Variants in VWCE observed in about 807,000 individuals in gnomAD.
VWCE encodes the protein von Willebrand factor C and EGF domain-containing protein.
Under a neutral mutation model 102.9 loss-of-function variants are expected in VWCE, and 68 were observed. The ratio of observed to expected loss-of-function variants is 0.66; its 90% CI spans 0.54 to 0.81. The LOEUF (loss-of-function observed/expected upper bound fraction) is 0.81, where lower values mean the gene tolerates loss of function less well. Among genes scored for constraint, VWCE ranks in the 30% least tolerant of loss-of-function variants. The pLI, the probability that VWCE is intolerant of heterozygous loss-of-function variation, is 0.00. For missense variants in VWCE, 1,137 were observed against 1,263.6 expected, an observed-to-expected ratio of 0.90 and a Z score of 1.52; for synonymous variants, 497 against 515.4, an observed-to-expected ratio of 0.96 and a Z score of 0.48.
In VWCE at chr11:61,258,400, T is replaced by C; in HGVS notation, c.*275A>G. On this transcript the variant is annotated 3_prime_UTR_variant, in exon 20 of 20. Transcript: ENST00000335613. ...GACGCAACTCTTCCTCCAGGAGAAC[T>C]TGGCAGTCCCAACCCTTCTCAAAAG... 3.2e-6 allele frequency: 1 copy of C among 311,214 alleles called. No homozygotes were observed. Among genetic ancestry groups the C allele is most frequent in the Non-Finnish European group, 5.8e-6 (1 of 171,226 alleles). 19.3% of individuals were successfully genotyped at this position (311,214 alleles called of 1,614,324 possible). A position where few individuals can be genotyped will look rare whatever the true frequency, so the allele number is the denominator to read the frequency against.
At chr11:61,290,998 C>G (rs965909444) in intron 3 of VWCE, 71 bp from the exon 4 acceptor site, 27 of 1,557,402 alleles carry the variant, frequency 1.7e-5, no homozygotes, top group Non-Finnish European at 8.7e-7. Flanking sequence ...CACCAGGGTC[C>G]TCCTGAATTC....
At chr11:61,284,823 C>T (rs778936228) in intron 5 of VWCE, among the ~76,000 whole-genome samples, 16 of 152,062 alleles carry the variant, frequency 1.1e-4, no homozygotes, top group Non-Finnish European at 1.9e-4. Context: ...TGGCGCACAC[C>T]TGTAACCCTA....
In VWCE at chr11:61,264,821, G is replaced by A. The variant is rs1004211209; in HGVS notation, c.2139+135C>T. The A allele has an allele frequency of 1.7e-5, 17 of 1,028,008 alleles. No individual in the cohort carries two copies. In the South Asian group the frequency reaches 2.3e-4, roughly 14 times the overall value. The allele number at this position is 1,028,008 out of a possible 1,614,324, so 63.7% of individuals were successfully genotyped here. A position where few individuals can be genotyped will look rare whatever the true frequency, so the allele number is the denominator to read the frequency against. ...AGATGGTCAAAACCAAAGATATTCT[G>A]GCAGTTAATTAAAGGCGGAGGATGG... On this transcript the variant is annotated intron_variant, in intron 18 of 19. Transcript: ENST00000335613.
chr11:61,273,436 A>G (rs1379053421), intron 12 of VWCE, 120 bp from the exon 13 acceptor site: 1 of 909,678 alleles, frequency 1.1e-6, no homozygotes, highest in African/African-American at 1.7e-5. Context: ...TGAAACTGAC[A>G]AAGAAATCTA....
Position 61,276,639 on chromosome 11 carries a change from G to A in VWCE, c.1449C>T (p.Gly483=), listed in dbSNP as rs371857728. 1.4e-5 allele frequency: 22 copies of A among 1,608,436 alleles called. No homozygotes were observed. The highest frequency in any genetic ancestry group is 1.7e-5 in the Non-Finnish European group (20 of 1,177,412). The change falls in exon 11 of 20, where the codon GGC becomes GGT. Residue 483 remains glycine (G), a synonymous_variant. Transcript: ENST00000335613. Reference sequence around the variant, plus strand: ...CCGTCTGTGGGGGGGTCTGACAGGGGCCAGAAGGACACTCAGGAGAGATGC... The same window carrying A: ...CCGTCTGTGGGGGGGTCTGACAGGGACCAGAAGGACACTCAGGAGAGATGC... ...VSCISPECPS[G]PCQTPPQTDC...
intron 19 of VWCE, among the ~76,000 whole-genome samples, chr11:61,262,154 A>G (rs903198501): frequency 2.0e-5 from 3 of 152,160 alleles, no homozygotes; most frequent in African/African-American, 7.2e-5. Flanking sequence ...GGGTTTCACC[A>G]TGTTGGACAG....
rs991626095 is a variant in VWCE, at chr11:61,281,222, G to A, written c.801C>T (p.Ala267=). The A allele has an allele frequency of 1.2e-6, 2 of 1,612,574 alleles. No homozygotes were observed. Among genetic ancestry groups the A allele is most frequent in the Non-Finnish European group, 8.5e-7 (1 of 1,179,992 alleles). ...GCAGGATGGCAGATGGGGCCAGCAC[G>A]GCTTTCGGGAAAGCTGAAACAGAAG... ...DRVSCEAFPK[A]VLAPSAILQP... is the part of the protein sequence containing the mutation. The change falls in exon 8 of 20, where the codon GCC becomes GCT. Residue 267 remains alanine, a synonymous_variant. Coordinates refer to ENST00000335613, the MANE Select transcript of VWCE (RefSeq NM_152718.2).
At chr11:61,263,123 A>G (rs1266483438) in intron 19 of VWCE, among the ~76,000 whole-genome samples, 1 of 152,222 alleles carries the variant, frequency 6.6e-6, no homozygotes, top group East Asian at 1.9e-4. Context: ...CCTGACGAAC[A>G]TGGCGAAACC....
At chr11:61,267,406 G>A in intron 16 of VWCE, 56 bp downstream of exon 16, 7 of 1,549,686 alleles carry the variant, frequency 4.5e-6, no homozygotes, top group South Asian at 1.1e-5. Context: ...TTCAGGAGCC[G>A]ATGTCAGTTG....
rs1855315609 is a variant in VWCE at position 61,286,252 on chromosome 11, A to C, written c.541+62T>G. 7 of 1,486,356 alleles carry C rather than the reference A, an allele frequency of 4.7e-6. No homozygotes were observed. In the Middle Eastern group the frequency reaches 1.2e-3, roughly 261 times the overall value. The allele number at this position is 1,486,356 out of a possible 1,614,324, so 92.1% of individuals were successfully genotyped here. On this transcript the variant is annotated intron_variant, in intron 5 of 19. Coordinates refer to ENST00000335613, the MANE Select transcript of VWCE (RefSeq NM_152718.2). ...CACTGCACTGGGCATGGCAGGGCTG[A>C]GTGTTCAATGTGGCATCCCCATTAC...
At chr11:61,278,077 G>T (rs1365087401) in intron 10 of VWCE, among the ~76,000 whole-genome samples, 1 of 152,084 alleles carries the variant, frequency 6.6e-6, no homozygotes, top group East Asian at 1.9e-4. Flanking sequence ...CAAATATTTT[G>T]CCTGGAGAGA....
intron 19 of VWCE, among the ~76,000 whole-genome samples, chr11:61,260,238 G>A (rs1015289695): frequency 1.3e-5 from 2 of 152,170 alleles, no homozygotes; most frequent in Admixed American, 6.5e-5. Context: ...CTGGGAGACA[G>A]AGCAGGACTC....
intron 19 of VWCE, among the ~76,000 whole-genome samples, chr11:61,262,222 G>A (rs926694263): frequency 1.3e-5 from 2 of 152,186 alleles, no homozygotes; most frequent in African/African-American, 4.8e-5. Context: ...CCAAAGTGCT[G>A]GGATTACAGG....
chr11:61,281,000 C>A lies in VWCE; in HGVS notation c.1023G>T (p.Leu341=). Residue 341 remains leucine, a synonymous_variant, in exon 8 of 20, where the codon CTG becomes CTT. Coordinates refer to ENST00000335613, the MANE Select transcript of VWCE (RefSeq NM_152718.2). ...GGGAGGCAGTAGGCACTGGGGTGGC[C>A]AGCAGGGTGGACAGCAGCCACACAG... The part of the protein sequence containing the change: ...SAPVWLLSTL[L]ATPVPTASLL... The A allele has an allele frequency of 6.4e-7, 1 of 1,556,666 alleles. No individual in the cohort carries two copies. The highest frequency in any genetic ancestry group is 8.7e-7 in the Non-Finnish European group (1 of 1,151,526).
At position 61,259,073 on chromosome 11, in the gene VWCE, G is replaced by A; in HGVS notation, c.2470C>T (p.His824Tyr). The change falls in exon 20 of 20, where the codon CAC (histidine) becomes TAC (tyrosine). Residue 824 changes from histidine to tyrosine, a missense_variant. By Grantham distance (83) the His-to-Tyr change is moderately conservative (BLOSUM62 2). Coordinates refer to ENST00000335613, the MANE Select transcript of VWCE (RefSeq NM_152718.2). ...PTSPAGAHGPHSLALGLTATF... is the reference protein window; with the variant it reads ...PTSPAGAHGPYSLALGLTATF... ...GCTGTCAGCCCCAAAGCGAGTGAGT[G>A]TGGACCATGAGCTCCTGCCGGGCTT... 3 of 1,614,044 alleles carry A rather than the reference G, an allele frequency of 1.9e-6. No individual in the cohort carries two copies. Among genetic ancestry groups the A allele is most frequent in the Non-Finnish European group, 1.7e-6 (2 of 1,179,916 alleles).
In VWCE at chr11:61,294,365, C is replaced by T. The variant is rs114492532; in HGVS notation, c.110+563G>A. Among the ~76,000 whole-genome samples, 1,022 of 152,298 alleles carry T rather than the reference C, an allele frequency of 6.7e-3. 13 individuals are homozygous for T. Among genetic ancestry groups the T allele is most frequent in the African/African-American group, 0.024 (987 of 41,562 alleles). On this transcript the variant is annotated intron_variant, in intron 1 of 19. Coordinates refer to ENST00000335613, the MANE Select transcript of VWCE (RefSeq NM_152718.2). This position sits in a 1 kb window ranked among gnomAD's most constrained non-coding sequence, Gnocchi z 6.3. ...ACACGCGCACGGCCCCACCGCGGCCCGGGGGAAAGCACGTGCGGAGGGCGG... is the reference window on the plus strand; with the variant it reads ...ACACGCGCACGGCCCCACCGCGGCCTGGGGGAAAGCACGTGCGGAGGGCGG...
intron 10 of VWCE, 94 bp from the exon 11 acceptor site, chr11:61,276,774 C>T (rs1431664683): frequency 2.3e-6 from 2 of 881,362 alleles, no homozygotes; most frequent in African/African-American, 3.7e-5. Flanking sequence ...GGAAAGCTGC[C>T]TAAAGGAGGC....
chr11:61,274,675 A>T lies in VWCE; in HGVS notation c.1496-91T>A. 2.8e-6 allele frequency: 3 copies of T among 1,071,098 alleles called. No homozygotes were observed. The South Asian group carries it at 4.1e-5, about 15-fold the overall frequency. 66.3% of individuals were successfully genotyped at this position (1,071,098 alleles called of 1,614,324 possible). ...ACAAATGGGTAGGGAGCCCCGGGGC[A>T]CTTAACACACACCCACAACACTCCA... On this transcript the variant is annotated intron_variant, in intron 11 of 19. Transcript: ENST00000335613.
chr11:61,287,334 T>C (rs976879617), intron 4 of VWCE, among the ~76,000 whole-genome samples: 1 of 151,970 alleles, frequency 6.6e-6, no homozygotes, highest in Non-Finnish European at 1.5e-5. Flanking sequence ...CTTTAACCCA[T>C]GAAGATCAGA....
Sources: gnomAD v4.1 joint callset for allele counts (sites outside exome capture counted in the v4.1 genomes callset) on GRCh38, gnomAD v4.1.1 for gene constraint, Gnocchi (gnomAD v3.1) non-coding constraint, MANE v1.5 for transcripts, NCBI Gene and HGNC (gene_info 2026-07-23, HGNC 2026-07-21) for gene names.